The following PXT1 variants were observed in gnomAD, a reference collection of about 807,000 sequenced individuals.
PXT1 encodes peroxisomal testis enriched protein 1.
PXT1 carries 11 observed loss-of-function variants against 11.0 expected under a neutral mutation model. The observed-to-expected ratio is 1.00, with a 90% CI of 0.63 to 1.66. The LOEUF (loss-of-function observed/expected upper bound fraction) is 1.66, where lower values mean the gene tolerates loss of function less well. PXT1 is among the 40% of genes most tolerant of loss of function. The pLI, the probability that PXT1 is intolerant of heterozygous loss-of-function variation, is 0.00. For synonymous variants in PXT1, 43 were observed against 51.4 expected (o/e 0.84, Z 0.70); for missense variants, 141 against 155.5 (o/e 0.91, Z 0.49).
At chr6:36,437,088 C>T (rs527334940) in intron 2 of PXT1, among the ~76,000 whole-genome samples, 1 of 152,218 alleles carries the variant, frequency 6.6e-6, no homozygotes, top group African/African-American at 2.4e-5. Context: ...GAGTTCAAGA[C>T]CAGCCTGGCC....
At chr6:36,431,879 T>C (rs989105445) in intron 2 of PXT1, among the ~76,000 whole-genome samples, 22 of 152,142 alleles carry the variant, frequency 1.4e-4, no homozygotes, top group African/African-American at 5.3e-4. Flanking sequence ...GAGACCAGCC[T>C]GGCTAACATG....
At chr6:36,412,555 G>A (rs1315975854) in intron 3 of PXT1, among the ~76,000 whole-genome samples, 4 of 151,842 alleles carry the variant, frequency 2.6e-5, no homozygotes, top group African/African-American at 9.7e-5. Flanking sequence ...AGCTACTCGG[G>A]AGGCTGAGGC....
intron 4 of PXT1, among the ~76,000 whole-genome samples, chr6:36,399,770 A>T (rs1293120212): frequency 1.3e-5 from 2 of 152,106 alleles, no homozygotes; most frequent in African/African-American, 4.8e-5. Flanking sequence ...GGATTTCATC[A>T]CCCCCAAAAT....
At chr6:36,429,747 CA>C (rs1363905597) in intron 2 of PXT1, among the ~76,000 whole-genome samples, 1 of 151,362 alleles carries the variant, frequency 6.6e-6, no homozygotes, top group Non-Finnish European at 1.5e-5. Context: ...TCAAGTGATC[CA>C]CCCACCTCGG....
chr6:36,405,785 C>T (rs1774280604), intron 3 of PXT1, among the ~76,000 whole-genome samples: 1 of 152,098 alleles, frequency 6.6e-6, no homozygotes, highest in African/African-American at 2.4e-5. Flanking sequence ...ACTTTTTATA[C>T]CATATTTTTA....
At chr6:36,434,672 T>G (rs917879903) in intron 2 of PXT1, among the ~76,000 whole-genome samples, 1 of 152,186 alleles carries the variant, frequency 6.6e-6, no homozygotes, top group African/African-American at 2.4e-5. Flanking sequence ...TATAAGAGAA[T>G]CAATAATCAT....
intron 2 of PXT1, among the ~76,000 whole-genome samples, chr6:36,432,061 ACTCGT>A (rs1774700842): frequency 6.6e-6 from 1 of 152,106 alleles, no homozygotes; most frequent in African/African-American, 2.4e-5. Context: ...ACAGCGCAAG[ACTCGT>A]CTCAACAAAT....
chr6:36,439,594 CAGAG>C (rs1351072154), intron 1 of PXT1, among the ~76,000 whole-genome samples: 1 of 138,728 alleles, frequency 7.2e-6, no homozygotes, highest in African/African-American at 2.7e-5. Context: ...GCCTGGGCGA[CAGAG>C]GGAGACTCCA....
chr6:36,435,501 G>T (rs1029449315), intron 2 of PXT1, among the ~76,000 whole-genome samples: 2 of 152,198 alleles, frequency 1.3e-5, no homozygotes, highest in Non-Finnish European at 2.9e-5. Flanking sequence ...GTTCCAGGCC[G>T]CAGTGAGCTA....
chr6:36,430,084 G>T (rs1055248985), intron 2 of PXT1, among the ~76,000 whole-genome samples: 2 of 151,952 alleles, frequency 1.3e-5, no homozygotes, highest in Non-Finnish European at 2.9e-5. Flanking sequence ...GCGCATGACT[G>T]TAGTCCCAGC....
intron 2 of PXT1, among the ~76,000 whole-genome samples, chr6:36,435,281 G>A (rs1273886379): frequency 1.3e-5 from 2 of 152,204 alleles, no homozygotes; most frequent in African/African-American, 4.8e-5. Flanking sequence ...AACCAGGCCA[G>A]GTGCAATGGC....
chr6:36,431,978 G>A (rs564915176), intron 2 of PXT1, among the ~76,000 whole-genome samples: 1 of 152,260 alleles, frequency 6.6e-6, no homozygotes, highest in South Asian at 2.1e-4. Flanking sequence ...AGCTGAGGCG[G>A]GAGAATCGCT....
intron 3 of PXT1, among the ~76,000 whole-genome samples, chr6:36,406,609 G>A (rs868696094): frequency 6.6e-6 from 1 of 151,912 alleles, no homozygotes; most frequent in Admixed American, 6.6e-5. Flanking sequence ...TCAGGAGTTC[G>A]AGACCAGCCT....
Position 36,411,537 on chromosome 6 carries a change from A to G in PXT1, c.170-10953T>C, listed in dbSNP as rs549905900. ...ATGAGTTACACAGAACAGTGCCTAGAACACAGGTAAACACTATATAAATGT... is the reference window on the plus strand; with the variant it reads ...ATGAGTTACACAGAACAGTGCCTAGGACACAGGTAAACACTATATAAATGT... On this transcript the variant is annotated intron_variant, in intron 3 of 4. Transcript: ENST00000454782. 1.6e-3 allele frequency among the ~76,000 whole-genome samples: 244 copies of G among 152,352 alleles called. 5 individuals carry two copies. In the South Asian group the frequency reaches 0.047, roughly 29 times the overall value.
chr6:36,439,366 C>T (rs1774821325), intron 1 of PXT1, among the ~76,000 whole-genome samples: 1 of 151,398 alleles, frequency 6.6e-6, no homozygotes, highest in African/African-American at 2.4e-5. Context: ...AATCCCAGCA[C>T]TTTGGGAGGC....
chr6:36,391,706 G>T lies in PXT1; in HGVS notation c.*64C>A. On this transcript the variant is annotated 3_prime_UTR_variant, in exon 5 of 5. Coordinates refer to ENST00000454782, the MANE Select transcript of PXT1 (RefSeq NM_152990.4). ...GGTGTTCTTCCCATCTGTCCCAGTGGGATTCATGTTTCTCAGAGGGTAAAA... is the reference window on the plus strand; with the variant it reads ...GGTGTTCTTCCCATCTGTCCCAGTGTGATTCATGTTTCTCAGAGGGTAAAA... 1 of 1,046,920 alleles carries T rather than the reference G, an allele frequency of 9.6e-7. No homozygotes were observed. Among genetic ancestry groups the T allele is most frequent in the Non-Finnish European group, 1.5e-6 (1 of 664,348 alleles). 64.9% of individuals were successfully genotyped at this position (1,046,920 alleles called of 1,614,324 possible).
At chr6:36,424,666 G>C (rs1315976461) in intron 3 of PXT1, among the ~76,000 whole-genome samples, 1 of 151,558 alleles carries the variant, frequency 6.6e-6, no homozygotes, top group Non-Finnish European at 1.5e-5. Context: ...TACAAAAACA[G>C]ATGAAGATTC....
intron 4 of PXT1, among the ~76,000 whole-genome samples, chr6:36,392,494 C>T (rs1364796004): frequency 1.3e-5 from 2 of 151,994 alleles, no homozygotes; most frequent in African/African-American, 4.8e-5. Context: ...CATGGTGAAA[C>T]CTCATCTCTA....
At chr6:36,419,614 T>C (rs1244452245) in intron 3 of PXT1, among the ~76,000 whole-genome samples, 1 of 152,250 alleles carries the variant, frequency 6.6e-6, no homozygotes, top group Non-Finnish European at 1.5e-5. Context: ...ATCTATTTCA[T>C]AACTCTAAGA....
Sources: gnomAD v4.1 joint callset for allele counts (sites outside exome capture counted in the v4.1 genomes callset) on GRCh38, gnomAD v4.1.1 for gene constraint, MANE v1.5 for transcripts, NCBI Gene and HGNC (gene_info 2026-07-23, HGNC 2026-07-21) for gene names.